The following HSBP1L1 variants were observed in gnomAD, a reference collection of about 807,000 sequenced individuals.
The protein encoded by HSBP1L1 is heat shock factor binding protein 1 like 1.
Under a neutral mutation model 9.7 loss-of-function variants are expected in HSBP1L1, and 8 were observed. That is an observed-to-expected ratio of 0.82 (90% CI 0.48 to 1.48). HSBP1L1 has a LOEUF of 1.48. HSBP1L1 is among the 40% of genes most tolerant of loss of function. HSBP1L1 has a pLI of 0.00. For synonymous variants in HSBP1L1, 39 were observed against 34.4 expected (o/e 1.13, Z -0.46); for missense variants, 106 against 95.8 (o/e 1.11, Z -0.44).
At chr18:79,966,125 G>A (rs1309460253) in intron 1 of HSBP1L1, among the ~76,000 whole-genome samples, 1 of 152,050 alleles carries the variant, frequency 6.6e-6, no homozygotes, top group Non-Finnish European at 1.5e-5. Context: ...TAGAGATGGG[G>A]TTTCACCTAG....
intron 1 of HSBP1L1, among the ~76,000 whole-genome samples, chr18:79,965,028 G>C (rs2051249889): frequency 7.0e-6 from 1 of 142,692 alleles, no homozygotes; most frequent in Admixed American, 7.0e-5. Flanking sequence ...TGCGGTCCTG[G>C]GGGGGCCTGA....
chr18:79,964,861 G>T (rs561783665), intron 1 of HSBP1L1, 75 bp downstream of exon 1: 8 of 245,042 alleles, frequency 3.3e-5, no homozygotes, highest in Non-Finnish European at 5.3e-5. Context: ...TGAGGTCCTG[G>T]GGGGGGAGCC....
At chr18:79,966,904 T>C (rs996798596) in intron 2 of HSBP1L1, 4 of 419,430 alleles carry the variant, frequency 9.5e-6, no homozygotes, top group African/African-American at 4.1e-5. Flanking sequence ...ATCCCAGCAC[T>C]TTGGGAGGCC....
intron 3 of HSBP1L1, among the ~76,000 whole-genome samples, chr18:79,969,340 AAAG>A (rs2051279300): frequency 5.3e-5 from 1 of 19,028 alleles, no homozygotes. Flanking sequence ...AAAAAGAAAG[AAAG>A]AAAGAAAGAA....
At chr18:79,965,091 C>T (rs917035257) in intron 1 of HSBP1L1, among the ~76,000 whole-genome samples, 3 of 104,886 alleles carry the variant, frequency 2.9e-5, no homozygotes, top group African/African-American at 1.2e-4. Flanking sequence ...CTCGGGGGGC[C>T]TGAGGTCCTG....
chr18:79,969,832 CTGA>C (rs2051285836), intron 3 of HSBP1L1, among the ~76,000 whole-genome samples: 1 of 152,200 alleles, frequency 6.6e-6, no homozygotes, highest in Non-Finnish European at 1.5e-5. Context: ...TGATAGTCCT[CTGA>C]TGATTTACTT....
chr18:79,970,636 C>A lies in HSBP1L1; in HGVS notation c.*185C>A. 1.7e-6 allele frequency: 1 copy of A among 592,614 alleles called. No individual in the cohort carries two copies. The highest frequency in any genetic ancestry group is 3.1e-6 in the Non-Finnish European group (1 of 325,220). The allele number at this position is 592,614 out of a possible 1,614,324, so 36.7% of individuals were successfully genotyped here. ...CCATCGGCAAGCCAAGGAGAGCCCT[C>A]CCCAGAAATCACACGGACCAGCACC... On this transcript the variant is annotated 3_prime_UTR_variant, in exon 4 of 4. Coordinates refer to ENST00000451882, the MANE Select transcript of HSBP1L1 (RefSeq NM_001136180.2).
rs75287701 is a variant in HSBP1L1 at position 79,970,600 on chromosome 18, A to G, written c.*149A>G. ...CTGCTCTCCCCTCCGTGCCTGCACC[A>G]GAGAAGGAGGCCATCGGCAAGCCAA... On this transcript the variant is annotated 3_prime_UTR_variant, in exon 4 of 4. Coordinates refer to ENST00000451882, the MANE Select transcript of HSBP1L1 (RefSeq NM_001136180.2). 86,009 of 630,094 alleles carry G rather than the reference A, an allele frequency of 0.14. 6,984 individuals are homozygous for G. The highest frequency in any genetic ancestry group is 0.26 in the East Asian group (9,376 of 35,820). 39.0% of individuals were successfully genotyped at this position (630,094 alleles called of 1,614,324 possible). A position where few individuals can be genotyped will look rare whatever the true frequency, so the allele number is the denominator to read the frequency against.
rs560324030 is a variant in HSBP1L1 at position 79,970,457 on chromosome 18, G to A, written c.*6G>A. On this transcript the variant is annotated 3_prime_UTR_variant, in exon 4 of 4. Coordinates refer to ENST00000451882, the MANE Select transcript of HSBP1L1 (RefSeq NM_001136180.2). ...CTAAATAGCTGAAGACCTAACTGCA[G>A]CATGTCTGTATTTGGAGATGGGGCC... 283 of 718,576 alleles carry A rather than the reference G, an allele frequency of 3.9e-4. No homozygotes were observed. In the African/African-American group the frequency reaches 4.2e-3, roughly 11 times the overall value. The allele number at this position is 718,576 out of a possible 1,614,324, so 44.5% of individuals were successfully genotyped here.
intron 3 of HSBP1L1, among the ~76,000 whole-genome samples, chr18:79,968,398 C>T (rs1045000533): frequency 6.6e-6 from 1 of 152,186 alleles, no homozygotes; most frequent in African/African-American, 2.4e-5. Context: ...ATGATCTTGG[C>T]TCACTGCAAA....
At position 79,964,723 on chromosome 18, in the gene HSBP1L1, G is replaced by T; in HGVS notation, c.-13G>T. On this transcript the variant is annotated 5_prime_UTR_variant, in exon 1 of 4. Transcript: ENST00000451882. ...ACGGGACCCCCCACTGACGCCCCCG[G>T]CCAGCGGTCCACATGGACGTGCGGG... 1 of 1,408,508 alleles carries T rather than the reference G, an allele frequency of 7.1e-7. No homozygotes were observed. The highest frequency in any genetic ancestry group is 9.2e-7 in the Non-Finnish European group (1 of 1,081,796). The allele number at this position is 1,408,508 out of a possible 1,614,324, so 87.3% of individuals were successfully genotyped here.
chr18:79,968,234 T>TACAA (rs2051267587), intron 3 of HSBP1L1, 51 bp downstream of exon 3: 2 of 1,083,382 alleles, frequency 1.8e-6, no homozygotes, highest in African/African-American at 1.5e-5. Flanking sequence ...TTTGACTGCT[T>TACAA]TCATCTTGAA....
intron 3 of HSBP1L1, among the ~76,000 whole-genome samples, chr18:79,968,620 G>A (rs934703212): frequency 5.3e-5 from 8 of 150,798 alleles, no homozygotes; most frequent in South Asian, 2.1e-4. Flanking sequence ...CACCACGCCC[G>A]GCCACACCCA....
At chr18:79,969,331 A>AAGAG (rs1351455464) in intron 3 of HSBP1L1, among the ~76,000 whole-genome samples, 3 of 71,976 alleles carry the variant, frequency 4.2e-5, no homozygotes, top group African/African-American at 1.2e-4. Flanking sequence ...GAAAGAAAGA[A>AAGAG]AAAGAAAGAA....
chr18:79,969,827 G>A (rs773724815), intron 3 of HSBP1L1, among the ~76,000 whole-genome samples: 35 of 152,186 alleles, frequency 2.3e-4, no homozygotes, highest in Admixed American at 9.2e-4. Flanking sequence ...CTGCCTGATA[G>A]TCCTCTGATG....
At position 79,964,694 on chromosome 18, in the gene HSBP1L1, GC is replaced by G; in HGVS notation, c.-39del. ...CGCCACCTCGCGCCGGGTCCGCGCG[GC>G]CCACGGGACCCCCCACTGACGCCCC... On this transcript the variant is annotated 5_prime_UTR_variant, in exon 1 of 4. Transcript: ENST00000451882. 2 of 1,274,472 alleles carry G rather than the reference GC, an allele frequency of 1.6e-6. No individual in the cohort carries two copies. Among genetic ancestry groups the G allele is most frequent in the South Asian group, 1.5e-5 (1 of 66,792 alleles). 78.9% of individuals were successfully genotyped at this position (1,274,472 alleles called of 1,614,324 possible). A position where few individuals can be genotyped will look rare whatever the true frequency, so the allele number is the denominator to read the frequency against.
intron 1 of HSBP1L1, among the ~76,000 whole-genome samples, chr18:79,966,227 G>A (rs895209892): frequency 7.7e-4 from 116 of 151,082 alleles, no homozygotes; most frequent in African/African-American, 2.7e-3. Flanking sequence ...CACCGCGCCC[G>A]GCCTTATCCC....
chr18:79,969,315 A>G lies in HSBP1L1; in HGVS notation c.214-1125A>G, dbSNP rs1433948736. ...GGGAGGGAGAGAGAGAGAGAAAGGA[A>G]AGAAAGAAAGAAAGAAAAAGAAAGA... On this transcript the variant is annotated intron_variant, in intron 3 of 3. Coordinates refer to ENST00000451882, the MANE Select transcript of HSBP1L1 (RefSeq NM_001136180.2). 2.0e-3 allele frequency among the ~76,000 whole-genome samples: 222 copies of G among 109,908 alleles called. 4 individuals are homozygous for G. The highest frequency in any genetic ancestry group is 3.3e-3 in the Non-Finnish European group (178 of 53,480). The allele number at this position is 109,908 out of a possible 152,430, so 72.1% of individuals were successfully genotyped here. A position where few individuals can be genotyped will look rare whatever the true frequency, so the allele number is the denominator to read the frequency against.
chr18:79,970,445 G>T lies in HSBP1L1; in HGVS notation c.219G>T (p.Lys73Asn), dbSNP rs1303249220. The T allele has an allele frequency of 1.4e-6, 1 of 718,572 alleles. No homozygotes were observed. The highest frequency in any genetic ancestry group is 1.5e-5 in the South Asian group (1 of 67,602). The allele number at this position is 718,572 out of a possible 1,614,324, so 44.5% of individuals were successfully genotyped here. Residue 73 changes from lysine to asparagine, a missense_variant, in exon 4 of 4, where the codon AAG (lysine) becomes AAT (asparagine). Transcript: ENST00000451882. ...GTTTATGTCTCCCTAAATAGCTGAAGACCTAACTGCAGCATGTCTGTATTT... is the reference window on the plus strand; with the variant it reads ...GTTTATGTCTCCCTAAATAGCTGAATACCTAACTGCAGCATGTCTGTATTT... ...IENSIKEQML[K>N]T
Sources: allele counts gnomAD v4.1 joint callset (sites outside exome capture counted in the v4.1 genomes callset), GRCh38; gene constraint gnomAD v4.1.1; transcripts MANE v1.5; gene names NCBI Gene and HGNC (gene_info 2026-07-23, HGNC 2026-07-21).